The following PATJ variants were observed in gnomAD, a reference collection of about 807,000 sequenced individuals.
PATJ encodes PATJ crumbs cell polarity complex component.
In PATJ, 190 loss-of-function variants were observed where a neutral mutation model predicts 224.9. That is an observed-to-expected ratio of 0.84 (90% CI 0.75 to 0.95). The LOEUF is 0.95. Among genes scored for constraint, PATJ ranks in the 40% least tolerant of loss-of-function variants. The pLI is 0.00. For synonymous variants in PATJ, 769 were observed against 820.3 expected (o/e 0.94, Z 1.07); for missense variants, 2,121 against 2,270.3 (o/e 0.93, Z 1.34).
chr1:61,773,182 C>T (rs1421871361), intron 6 of PATJ, among the ~76,000 whole-genome samples: 8 of 151,848 alleles, frequency 5.3e-5, no homozygotes, highest in South Asian at 2.1e-4. Context: ...CCAACACACC[C>T]GGCTAATTTT....
intron 27 of PATJ, among the ~76,000 whole-genome samples, chr1:61,960,490 C>T (rs1443230386): frequency 6.6e-6 from 1 of 151,788 alleles, no homozygotes. Flanking sequence ...GGTGAAACCC[C>T]GTCTCTACTA....
At chr1:61,882,223 G>A (rs906134243) in intron 21 of PATJ, among the ~76,000 whole-genome samples, 1 of 152,142 alleles carries the variant, frequency 6.6e-6, no homozygotes, top group Non-Finnish European at 1.5e-5. Flanking sequence ...TTGAGGAGGA[G>A]GCCTATTTTA....
chr1:61,985,721 CAG>C (rs1450452961), intron 27 of PATJ, among the ~76,000 whole-genome samples: 2 of 152,002 alleles, frequency 1.3e-5, no homozygotes, highest in East Asian at 1.9e-4. Context: ...AGAAGAGACT[CAG>C]GGGAGAACAA....
intron 30 of PATJ, among the ~76,000 whole-genome samples, chr1:62,041,398 G>A (rs17122986): frequency 0.018 from 2,726 of 152,278 alleles, 95 homozygotes; most frequent in African/African-American, 0.061. Context: ...TGCTAGGTAG[G>A]GAGTGGGTTG....
At chr1:61,993,544 A>G (rs1049914690) in intron 28 of PATJ, among the ~76,000 whole-genome samples, 1 of 152,124 alleles carries the variant, frequency 6.6e-6, no homozygotes, top group Non-Finnish European at 1.5e-5. Context: ...CCATTCAAGA[A>G]CCCACCAAGA....
chr1:61,760,899 G>A (rs1276118017), intron 1 of PATJ, among the ~76,000 whole-genome samples: 2 of 151,938 alleles, frequency 1.3e-5, no homozygotes, highest in Admixed American at 6.6e-5. Flanking sequence ...GGTGTGAGCC[G>A]TGGCGCCCAG....
At position 61,948,718 on chromosome 1, in the gene PATJ, A is replaced by G. The variant is rs145332782; in HGVS notation, c.3670+20889A>G. 3.9e-5 allele frequency among the ~76,000 whole-genome samples: 6 copies of G among 152,348 alleles called. No individual in the cohort carries two copies. The East Asian group carries it at 1.2e-3, about 29-fold the overall frequency. ...ACCCAGCCATCCCATTACTGGGCATATACCCAAAGGACTATAAATCATGCT... is the reference window on the plus strand; with the variant it reads ...ACCCAGCCATCCCATTACTGGGCATGTACCCAAAGGACTATAAATCATGCT... On this transcript the variant is annotated intron_variant, in intron 27 of 43. Transcript: ENST00000642238.
Position 62,163,892 on chromosome 1 carries a change from T to A in PATJ, c.*2838T>A, listed in dbSNP as rs913650822. 6.6e-6 allele frequency: 1 copy of A among 152,042 alleles called. No individual in the cohort carries two copies. Among genetic ancestry groups the A allele is most frequent in the Non-Finnish European group, 1.5e-5 (1 of 68,036 alleles). 9.4% of individuals were successfully genotyped at this position (152,042 alleles called of 1,614,324 possible). On this transcript the variant is annotated 3_prime_UTR_variant, in exon 44 of 44. Transcript: ENST00000642238. Reference sequence around the variant, plus strand: ...ATGTGTAAGATATTTCCAAAGATTCTAAATAAATGTAGTTGCCTACAGAGC... The same window carrying A: ...ATGTGTAAGATATTTCCAAAGATTCAAAATAAATGTAGTTGCCTACAGAGC...
At chr1:62,058,080 A>C (rs956000571) in intron 31 of PATJ, among the ~76,000 whole-genome samples, 1 of 152,360 alleles carries the variant, frequency 6.6e-6, no homozygotes, top group South Asian at 2.1e-4. Context: ...ATTGTGAAAT[A>C]TAATTTCTGA....
At chr1:61,921,209 A>G (rs1051483604) in intron 26 of PATJ, among the ~76,000 whole-genome samples, 1 of 152,188 alleles carries the variant, frequency 6.6e-6, no homozygotes, top group Admixed American at 6.6e-5. Context: ...TTACAGACAT[A>G]TACATGGGGG....
At chr1:62,136,891 T>C (rs2666495) in intron 41 of PATJ, among the ~76,000 whole-genome samples, 1 of 152,158 alleles carries the variant, frequency 6.6e-6, no homozygotes, top group Admixed American at 6.5e-5. Flanking sequence ...TCAGATTTGG[T>C]ACTGAAAGGC....
intron 22 of PATJ, among the ~76,000 whole-genome samples, chr1:61,894,325 C>A (rs1670058035): frequency 6.6e-6 from 1 of 151,916 alleles, no homozygotes; most frequent in Non-Finnish European, 1.5e-5. Context: ...ATATTCCTTG[C>A]AGTAATGTCC....
At chr1:62,014,353 G>A (rs1646639391) in intron 28 of PATJ, among the ~76,000 whole-genome samples, 1 of 151,818 alleles carries the variant, frequency 6.6e-6, no homozygotes, top group South Asian at 2.1e-4. Context: ...ACCACACCTG[G>A]CCTTATCTGA....
chr1:62,008,740 C>T (rs1402166592), intron 28 of PATJ, among the ~76,000 whole-genome samples: 1 of 151,932 alleles, frequency 6.6e-6, no homozygotes, highest in African/African-American at 2.4e-5. Context: ...CAGAGCAAGA[C>T]CCTGACTCAA....
intron 11 of PATJ, among the ~76,000 whole-genome samples, chr1:61,799,657 A>G (rs148566135): frequency 8.5e-5 from 13 of 152,286 alleles, no homozygotes; most frequent in African/African-American, 2.9e-4. Context: ...CCATCACTCA[A>G]ATAGTGAACA....
At chr1:62,102,590 C>T (rs753721653) in intron 33 of PATJ, among the ~76,000 whole-genome samples, 26 of 151,880 alleles carry the variant, frequency 1.7e-4, no homozygotes, top group African/African-American at 5.3e-4. Context: ...TGGTGGCTCA[C>T]GCCTGTAATC....
At chr1:62,011,635 A>T (rs1234336105) in intron 28 of PATJ, among the ~76,000 whole-genome samples, 1 of 152,068 alleles carries the variant, frequency 6.6e-6, no homozygotes, top group African/African-American at 2.4e-5. Flanking sequence ...CAAATGTGAC[A>T]CAGACAGGAA....
chr1:61,794,960 C>T (rs1056888866), intron 9 of PATJ, among the ~76,000 whole-genome samples: 9 of 151,748 alleles, frequency 5.9e-5, no homozygotes, highest in Non-Finnish European at 7.4e-5. Context: ...CCAGCCTGGG[C>T]GACAAGAGCA....
At chr1:61,928,251 T>G (rs1287129281) in intron 27 of PATJ, among the ~76,000 whole-genome samples, 1 of 152,196 alleles carries the variant, frequency 6.6e-6, no homozygotes, top group Non-Finnish European at 1.5e-5. Context: ...CCTTTAAAAT[T>G]CATTTCATGA....
Sources: gnomAD v4.1 joint callset for allele counts (sites outside exome capture counted in the v4.1 genomes callset) on GRCh38, gnomAD v4.1.1 for gene constraint, MANE v1.5 for transcripts, NCBI Gene and HGNC (gene_info 2026-07-23, HGNC 2026-07-21) for gene names.